STAG1: variants seen among roughly 807,000 people sequenced by gnomAD.
The protein encoded by STAG1 is cohesin subunit SA-1.
A neutral mutation model predicts 170.9 loss-of-function variants in STAG1; 26 were observed. The observed-to-expected ratio is 0.15, with a 90% confidence interval of 0.11 to 0.21. The LOEUF is 0.21. Ranked by LOEUF, STAG1 falls within the 10% of genes least tolerant of loss-of-function variation. The probability of loss-of-function intolerance (pLI) is 1.00; values close to 1 mark genes in which losing one functional copy is unlikely to be tolerated. For synonymous variants in STAG1, 514 were observed against 497.7 expected, an observed-to-expected ratio of 1.03 and a Z score of -0.44; for missense variants, 964 against 1,509.5, an observed-to-expected ratio of 0.64 and a Z score of 5.99.
chr3:136,363,882 T>C (rs536862085), intron 25 of STAG1, among the ~76,000 whole-genome samples: 155 of 152,106 alleles, frequency 1.0e-3, no homozygotes, highest in African/African-American at 3.6e-3. Flanking sequence ...GCCTCCTAAA[T>C]AGCTGGGACT....
intron 13 of STAG1, among the ~76,000 whole-genome samples, chr3:136,455,826 G>C (rs1576482931): frequency 6.6e-6 from 1 of 152,224 alleles, no homozygotes; most frequent in African/African-American, 2.4e-5. Flanking sequence ...CCCACTTAAG[G>C]ATTTCCCAGG....
chr3:136,468,547 G>C (rs922921650), intron 12 of STAG1, among the ~76,000 whole-genome samples: 1 of 152,176 alleles, frequency 6.6e-6, no homozygotes, highest in African/African-American at 2.4e-5. Flanking sequence ...TCCAGGACCA[G>C]ATGGATTCAC....
In STAG1 at chr3:136,472,434, C is replaced by T. The variant is rs779851679; in HGVS notation, c.1184G>A (p.Arg395Gln). Residue 395 changes from arginine to glutamine, a missense_variant, in exon 12 of 34, where the codon CGA (arginine) becomes CAA (glutamine). Coordinates refer to ENST00000383202, the MANE Select transcript of STAG1 (RefSeq NM_005862.3). ...TTACTGAAGTATCAGAGTAACCAAT[C>T]GAATAGCTTCCACAGCAACATCATA... is the stretch of plus-strand genomic sequence containing the variant. ...KEYDVAVEAI[R>Q]LVTLILHGSE... 1.2e-6 allele frequency: 2 copies of T among 1,612,176 alleles called. No individual in the cohort carries two copies. The highest frequency in any genetic ancestry group is 1.7e-6 in the Non-Finnish European group (2 of 1,178,932).
At chr3:136,464,164 C>G (rs1017218554) in intron 13 of STAG1, among the ~76,000 whole-genome samples, 10 of 151,986 alleles carry the variant, frequency 6.6e-5, no homozygotes, top group Admixed American at 6.6e-4. Flanking sequence ...TGGCTCATGC[C>G]TGTAATCCCA....
chr3:136,656,136 T>A (rs1258559968), intron 1 of STAG1, among the ~76,000 whole-genome samples: 1 of 151,538 alleles, frequency 6.6e-6, no homozygotes, highest in African/African-American at 2.4e-5. Context: ...TTCATTATGC[T>A]AAGTGAAATT....
At chr3:136,619,841 C>T (rs946683400) in intron 3 of STAG1, among the ~76,000 whole-genome samples, 10 of 148,236 alleles carry the variant, frequency 6.7e-5, no homozygotes, top group East Asian at 3.9e-4. Context: ...TGAGGTGGGA[C>T]GATCAGTTGA....
rs1265832233 is a variant in STAG1, at chr3:136,604,241, CACTA to C, written c.297+64_297+67del. The C allele has an allele frequency of 3.5e-5, 50 of 1,434,476 alleles. No homozygotes were observed. In the Middle Eastern group the frequency reaches 1.1e-3, roughly 32 times the overall value. 88.9% of individuals were successfully genotyped at this position (1,434,476 alleles called of 1,614,324 possible). On this transcript the variant is annotated intron_variant, in intron 4 of 33. Transcript: ENST00000383202. ...GAAGTATATAAAGTGCCAATATACA[CACTA>C]ACTGATTCCACCCAAGTTATTAACT...
intron 1 of STAG1, among the ~76,000 whole-genome samples, chr3:136,714,256 A>G (rs1251955997): frequency 6.6e-6 from 1 of 152,116 alleles, no homozygotes; most frequent in Non-Finnish European, 1.5e-5. Context: ...ACGTCAAACC[A>G]CAGTATTTAG....
chr3:136,514,890 C>G (rs910197988), intron 7 of STAG1, among the ~76,000 whole-genome samples: 1 of 151,812 alleles, frequency 6.6e-6, no homozygotes, highest in Non-Finnish European at 1.5e-5. Flanking sequence ...GGGTGGGGAA[C>G]GTCACACACC....
intron 22 of STAG1, among the ~76,000 whole-genome samples, chr3:136,380,384 GGTGT>G (rs1241385882): frequency 6.6e-6 from 1 of 152,038 alleles, no homozygotes; most frequent in Non-Finnish European, 1.5e-5. Context: ...TGGGACTACA[GGTGT>G]GTGCTGCCAT....
At chr3:136,408,128 G>A (rs952363849) in intron 21 of STAG1, among the ~76,000 whole-genome samples, 2 of 152,070 alleles carry the variant, frequency 1.3e-5, no homozygotes, top group Admixed American at 6.6e-5. Flanking sequence ...CATGTAGAAT[G>A]TTTTAAATTT....
At chr3:136,639,928 A>C (rs1477179241) in intron 1 of STAG1, among the ~76,000 whole-genome samples, 3 of 152,192 alleles carry the variant, frequency 2.0e-5, no homozygotes, top group Non-Finnish European at 4.4e-5. Context: ...CACTAAATGA[A>C]ACTTCCCATA....
intron 23 of STAG1, among the ~76,000 whole-genome samples, chr3:136,376,005 T>TAAAATAAAATAAAATAAAATAAAATA (rs1553796051): frequency 6.3e-5 from 4 of 63,944 alleles, no homozygotes; most frequent in South Asian, 1.3e-3. Context: ...AATAAATAAA[T>TAAAATAAAATAAAATAAAATAAAATA]AAATAATTAA....
At chr3:136,569,111 C>T (rs1937176284) in intron 4 of STAG1, among the ~76,000 whole-genome samples, 3 of 151,950 alleles carry the variant, frequency 2.0e-5, no homozygotes, top group African/African-American at 7.2e-5. Context: ...TTACCAATCC[C>T]ATTAAGTCCA....
At chr3:136,410,918 G>A (rs748334084) in intron 21 of STAG1, among the ~76,000 whole-genome samples, 10 of 152,308 alleles carry the variant, frequency 6.6e-5, no homozygotes, top group East Asian at 1.9e-4. Flanking sequence ...AGCTGGGCAC[G>A]GTGGCATATG....
intron 1 of STAG1, among the ~76,000 whole-genome samples, chr3:136,725,913 T>C (rs903531292): frequency 6.6e-6 from 1 of 152,222 alleles, no homozygotes; most frequent in Non-Finnish European, 1.5e-5. Context: ...AATTATTAGT[T>C]AGAAACCTGG....
intron 22 of STAG1, among the ~76,000 whole-genome samples, chr3:136,379,622 T>C (rs532361167): frequency 3.9e-5 from 6 of 152,158 alleles, no homozygotes; most frequent in Non-Finnish European, 5.9e-5. Context: ...GGCAGGAGAA[T>C]GGCTTGAATC....
At chr3:136,691,149 A>C in intron 1 of STAG1, among the ~76,000 whole-genome samples, 1 of 151,598 alleles carries the variant, frequency 6.6e-6, no homozygotes. Context: ...AATACAAAAA[A>C]AATTGTTTGG....
chr3:136,508,759 C>T (rs746375777), intron 7 of STAG1, among the ~76,000 whole-genome samples: 3 of 152,240 alleles, frequency 2.0e-5, no homozygotes, highest in Non-Finnish European at 4.4e-5. Flanking sequence ...CAAGACTGCA[C>T]GACTCCTGTC....
Sources: allele counts gnomAD v4.1 joint callset (sites outside exome capture counted in the v4.1 genomes callset), GRCh38; gene constraint gnomAD v4.1.1; transcripts MANE v1.5; gene names NCBI Gene and HGNC (gene_info 2026-07-23, HGNC 2026-07-21).